Variants in FNDC3A observed in about 807,000 individuals in gnomAD.
The protein encoded by FNDC3A is fibronectin type III domain containing 3A, also known as fibronectin type-III domain-containing protein 3A.
FNDC3A carries 32 observed loss-of-function variants against 148.9 expected under a neutral mutation model. The ratio of observed to expected loss-of-function variants is 0.21; its 90% CI spans 0.16 to 0.29. The LOEUF (loss-of-function observed/expected upper bound fraction) is 0.29. FNDC3A is among the 10% of genes least tolerant of loss of function. The pLI is 1.00. For synonymous variants in FNDC3A, 472 were observed against 473.6 expected, an observed-to-expected ratio of 1.00 and a Z score of 0.04; for missense variants, 1,191 against 1,452.8, an observed-to-expected ratio of 0.82 and a Z score of 2.93.
chr13:49,049,570 C>T (rs1396501510), intron 2 of FNDC3A, among the ~76,000 whole-genome samples: 1 of 151,982 alleles, frequency 6.6e-6, no homozygotes, highest in East Asian at 1.9e-4. Context: ...TTATCCATCT[C>T]CTCTAGGTTT....
intron 1 of FNDC3A, among the ~76,000 whole-genome samples, chr13:49,002,632 A>G (rs1393413658): frequency 6.6e-6 from 1 of 152,138 alleles, no homozygotes; most frequent in South Asian, 2.1e-4. Context: ...AAAGGGAACC[A>G]CTGTCCTGAC....
chr13:49,164,678 G>A (rs778831544), intron 8 of FNDC3A, among the ~76,000 whole-genome samples: 2 of 150,972 alleles, frequency 1.3e-5, no homozygotes, highest in African/African-American at 4.9e-5. Flanking sequence ...GCATGAACTC[G>A]GCTCACTGCA....
intron 5 of FNDC3A, among the ~76,000 whole-genome samples, chr13:49,133,579 T>C (rs960352839): frequency 6.6e-6 from 1 of 152,242 alleles, no homozygotes; most frequent in Non-Finnish European, 1.5e-5. Flanking sequence ...CCAATGGCTA[T>C]ACCTCCGTGA....
At chr13:48,984,214 A>T (rs1486434070) in intron 1 of FNDC3A, among the ~76,000 whole-genome samples, 1 of 152,196 alleles carries the variant, frequency 6.6e-6, no homozygotes, top group African/African-American at 2.4e-5. Context: ...AGTATTCATG[A>T]ATGTGTCAAC....
intron 12 of FNDC3A, 35 bp downstream of exon 12, chr13:49,174,594 T>C: frequency 6.4e-7 from 1 of 1,554,856 alleles, no homozygotes. Context: ...GTAAATATTT[T>C]TAGATTATCA....
At chr13:49,095,144 TA>T (rs775627056) in intron 3 of FNDC3A, among the ~76,000 whole-genome samples, 2 of 152,098 alleles carry the variant, frequency 1.3e-5, no homozygotes, top group South Asian at 2.1e-4. Flanking sequence ...AATGTATATA[TA>T]TTTTTTTAAA....
At chr13:49,163,879 T>C (rs1168810259) in intron 8 of FNDC3A, among the ~76,000 whole-genome samples, 1 of 152,248 alleles carries the variant, frequency 6.6e-6, no homozygotes, top group African/African-American at 2.4e-5. Flanking sequence ...ATGTTCTTTG[T>C]TTCATTCTTT....
chr13:49,151,288 A>G (rs1883279324), intron 8 of FNDC3A, among the ~76,000 whole-genome samples: 1 of 152,170 alleles, frequency 6.6e-6, no homozygotes, highest in Admixed American at 6.5e-5. Flanking sequence ...ATATATGTTT[A>G]GAATTGTTAT....
At chr13:49,043,138 T>C (rs1024340953) in intron 2 of FNDC3A, among the ~76,000 whole-genome samples, 1 of 151,074 alleles carries the variant, frequency 6.6e-6, no homozygotes, top group Admixed American at 6.6e-5. Flanking sequence ...TTTTTTTTTT[T>C]AATATTTTGT....
chr13:49,121,332 A>T (rs1881329376), intron 4 of FNDC3A, among the ~76,000 whole-genome samples: 1 of 152,216 alleles, frequency 6.6e-6, no homozygotes, highest in Admixed American at 6.5e-5. Context: ...AATCTTTGGG[A>T]CACATTTAAA....
chr13:49,077,833 G>A (rs1355891082), intron 3 of FNDC3A, among the ~76,000 whole-genome samples: 2 of 152,154 alleles, frequency 1.3e-5, no homozygotes, highest in South Asian at 2.1e-4. Context: ...TAAATCATTT[G>A]TGCAGCAGTT....
intron 8 of FNDC3A, among the ~76,000 whole-genome samples, chr13:49,158,016 A>G (rs1381077515): frequency 6.6e-6 from 1 of 151,550 alleles, no homozygotes; most frequent in Non-Finnish European, 1.5e-5. Flanking sequence ...CTACAGAGGC[A>G]GGCAGGCTTC....
At chr13:49,146,882 A>G (rs1308131085) in intron 8 of FNDC3A, 2 of 152,230 alleles carry the variant, frequency 1.3e-5, no homozygotes, top group Non-Finnish European at 2.9e-5. Context: ...AAAAAGGGTA[A>G]TGTTAATGGT....
chr13:48,994,961 C>T (rs1486217563), intron 1 of FNDC3A, among the ~76,000 whole-genome samples: 1 of 152,010 alleles, frequency 6.6e-6, no homozygotes, highest in Non-Finnish European at 1.5e-5. Context: ...AAGTTTTCCA[C>T]AATAAAAGGT....
At position 49,092,760 on chromosome 13, in the gene FNDC3A, TAAA is replaced by T. The variant is rs762322245; in HGVS notation, c.175+17408_175+17410del. Reference sequence around the variant, plus strand: ...AGACTCTTTCTGACCACTCCAATGTTAAAAAAAAAAAAAAGTGCTCCTTAATTT... The same window carrying T: ...AGACTCTTTCTGACCACTCCAATGTTAAAAAAAAAAAGTGCTCCTTAATTT... On this transcript the variant is annotated intron_variant, in intron 3 of 25. Coordinates refer to ENST00000492622, the MANE Select transcript of FNDC3A (RefSeq NM_001079673.2). Among the ~76,000 whole-genome samples, 5 of 142,402 alleles carry T rather than the reference TAAA, an allele frequency of 3.5e-5. No homozygotes were observed. The South Asian group carries it at 8.9e-4, about 25-fold the overall frequency. The allele number at this position is 142,402 out of a possible 152,430, so 93.4% of individuals were successfully genotyped here.
At chr13:49,011,948 T>G (rs1050573662) in intron 2 of FNDC3A, among the ~76,000 whole-genome samples, 2 of 152,206 alleles carry the variant, frequency 1.3e-5, no homozygotes, top group Non-Finnish European at 2.9e-5. Context: ...GTATCAAGCA[T>G]AGGTCCAATT....
chr13:49,031,924 A>G (rs970134491), intron 2 of FNDC3A, among the ~76,000 whole-genome samples: 4 of 152,192 alleles, frequency 2.6e-5, no homozygotes, highest in Admixed American at 2.0e-4. Flanking sequence ...TGTATTCAGA[A>G]TGTGTGAAGA....
chr13:49,064,659 T>A (rs1277939393), intron 2 of FNDC3A, among the ~76,000 whole-genome samples: 1 of 152,192 alleles, frequency 6.6e-6, no homozygotes, highest in African/African-American at 2.4e-5. Flanking sequence ...TCAGTCATTA[T>A]GCCAGCACAC....
chr13:49,074,110 T>TG (rs1432151676), intron 2 of FNDC3A, among the ~76,000 whole-genome samples: 1 of 152,106 alleles, frequency 6.6e-6, no homozygotes, highest in Non-Finnish European at 1.5e-5. Flanking sequence ...CATAGGTTTT[T>TG]GGGGAACAGG....
Sources: allele counts gnomAD v4.1 joint callset (sites outside exome capture counted in the v4.1 genomes callset), GRCh38; gene constraint gnomAD v4.1.1; transcripts MANE v1.5; gene names NCBI Gene and HGNC (gene_info 2026-07-23, HGNC 2026-07-21).